THSD4: variants seen among roughly 807,000 people sequenced by gnomAD.
The protein encoded by THSD4 is thrombospondin type 1 domain containing 4, also known as thrombospondin type-1 domain-containing protein 4.
In THSD4, 69 loss-of-function variants were observed where a neutral mutation model predicts 119.0. That is an observed-to-expected ratio of 0.58 (90% CI 0.48 to 0.71). The LOEUF is 0.71. Ranked by LOEUF, THSD4 falls within the 30% of genes least tolerant of loss-of-function variation. The probability of loss-of-function intolerance (pLI) is 0.00; values close to 1 mark genes in which losing one functional copy is unlikely to be tolerated. For missense variants in THSD4, 1,393 were observed against 1,391.1 expected (o/e 1.00, Z -0.02); for synonymous variants, 524 against 540.4 (o/e 0.97, Z 0.42).
chr15:71,480,705 A>G (rs1190951122), intron 7 of THSD4, among the ~76,000 whole-genome samples: 1 of 152,210 alleles, frequency 6.6e-6, no homozygotes, highest in Non-Finnish European at 1.5e-5. Context: ...GCCCAATCAC[A>G]TAAATGTTTT....
intron 12 of THSD4, among the ~76,000 whole-genome samples, chr15:71,746,209 G>C (rs1402104914): frequency 6.6e-6 from 1 of 151,962 alleles, no homozygotes; most frequent in Non-Finnish European, 1.5e-5. Context: ...ATGATCTACA[G>C]TGTAATAAAA....
At chr15:71,741,259 G>A (rs1318185985) in intron 11 of THSD4, among the ~76,000 whole-genome samples, 1 of 152,180 alleles carries the variant, frequency 6.6e-6, no homozygotes, top group Non-Finnish European at 1.5e-5. Flanking sequence ...GGGAGGCCAA[G>A]GCAGGTGTAT....
chr15:71,532,426 C>G lies in THSD4; in HGVS notation c.1152+120603C>G, dbSNP rs145976259. On this transcript the variant is annotated intron_variant, in intron 7 of 17. Transcript: ENST00000261862. The stretch of plus-strand genomic sequence containing the variant: ...CCTGGGTTCAAGTGATTCTCCTACC[C>G]CAGCCTCCTGAGTAGCTAGGATTAC... 1.7e-3 allele frequency among the ~76,000 whole-genome samples: 262 copies of G among 151,826 alleles called. 2 individuals carry two copies. The highest frequency in any genetic ancestry group is 0.013 in the South Asian group (60 of 4,784).
At chr15:71,143,633 G>A (rs904189057) in intron 2 of THSD4, among the ~76,000 whole-genome samples, 3 of 151,850 alleles carry the variant, frequency 2.0e-5, no homozygotes, top group African/African-American at 7.3e-5. Flanking sequence ...AGTTTCTTGG[G>A]AGGAAATCCC....
intron 6 of THSD4, among the ~76,000 whole-genome samples, chr15:71,344,296 G>T (rs976528388): frequency 1.2e-4 from 18 of 151,996 alleles, no homozygotes; most frequent in African/African-American, 4.4e-4. Flanking sequence ...ACCCGCCTCG[G>T]CCCCCCAAAG....
chr15:71,473,246 T>C (rs35570859), intron 7 of THSD4, among the ~76,000 whole-genome samples: 26,748 of 151,964 alleles, frequency 0.18, 2,711 homozygotes, highest in South Asian at 0.37. Flanking sequence ...TTTGTAGAGA[T>C]AGGGTTTTGT....
intron 7 of THSD4, among the ~76,000 whole-genome samples, chr15:71,481,198 C>G (rs1327402489): frequency 6.6e-6 from 1 of 152,100 alleles, no homozygotes; most frequent in Non-Finnish European, 1.5e-5. Context: ...CATTTAGACT[C>G]TGTGATAAAA....
intron 6 of THSD4, among the ~76,000 whole-genome samples, chr15:71,352,417 T>TG (rs2045755487): frequency 6.6e-6 from 1 of 152,194 alleles, no homozygotes; most frequent in African/African-American, 2.4e-5. Flanking sequence ...CAACTTTGTA[T>TG]GGAGATAAAT....
intron 3 of THSD4, among the ~76,000 whole-genome samples, chr15:71,165,879 T>C (rs1185864332): frequency 1.3e-5 from 2 of 152,174 alleles, no homozygotes; most frequent in African/African-American, 2.4e-5. Flanking sequence ...GTGTGCTGTG[T>C]GGCTGCATGG....
At chr15:71,217,225 C>G (rs547686664) in intron 4 of THSD4, among the ~76,000 whole-genome samples, 62 of 152,238 alleles carry the variant, frequency 4.1e-4, no homozygotes, top group Non-Finnish European at 6.9e-4. Flanking sequence ...GGACAGCATC[C>G]CATAATCAAA....
intron 6 of THSD4, among the ~76,000 whole-genome samples, chr15:71,294,771 A>G (rs1484466120): frequency 6.6e-6 from 1 of 152,124 alleles, no homozygotes; most frequent in African/African-American, 2.4e-5. Flanking sequence ...CTTGGCAAAG[A>G]TCTTCTACTA....
At chr15:71,481,437 T>C (rs929488565) in intron 7 of THSD4, among the ~76,000 whole-genome samples, 2 of 152,224 alleles carry the variant, frequency 1.3e-5, no homozygotes, top group Non-Finnish European at 2.9e-5. Flanking sequence ...TACAAGTAGA[T>C]TGATGCTTTC....
At chr15:71,221,843 A>G (rs1332029288) in intron 4 of THSD4, among the ~76,000 whole-genome samples, 1 of 152,160 alleles carries the variant, frequency 6.6e-6, no homozygotes, top group Admixed American at 6.5e-5. Flanking sequence ...TGTTTTCTAT[A>G]GCAGCTGTAC....
At chr15:71,703,156 G>A (rs1390980163) in intron 8 of THSD4, among the ~76,000 whole-genome samples, 1 of 152,066 alleles carries the variant, frequency 6.6e-6, no homozygotes, top group Admixed American at 6.6e-5. Context: ...TCTATTTTTA[G>A]TAGAGACAGA....
chr15:71,121,587 G>A (rs149206598), intron 1 of THSD4, among the ~76,000 whole-genome samples: 1 of 152,182 alleles, frequency 6.6e-6, no homozygotes, highest in East Asian at 1.9e-4. Context: ...CTGCCCCTTT[G>A]ATGACATTAC....
chr15:71,527,343 C>T (rs964270232), intron 7 of THSD4, among the ~76,000 whole-genome samples: 8 of 152,138 alleles, frequency 5.3e-5, no homozygotes, highest in Non-Finnish European at 1.0e-4. Flanking sequence ...AACACACAAA[C>T]TCTTCTCTGA....
intron 7 of THSD4, among the ~76,000 whole-genome samples, chr15:71,486,653 T>C (rs2047827042): frequency 6.8e-6 from 1 of 147,922 alleles, no homozygotes; most frequent in African/African-American, 2.5e-5. Context: ...CACTCCTCTG[T>C]CCACCTCTAT....
rs886634017 is a variant in THSD4 at position 71,211,496 on chromosome 15, C to T, written c.100-3539C>T. 1.1e-4 allele frequency among the ~76,000 whole-genome samples: 17 copies of T among 152,218 alleles called. No homozygotes were observed. The East Asian group carries it at 1.2e-3, about 10-fold the overall frequency. ...GTTTCTCTTCCTTACTCTGGTCTCT[C>T]TTCTGCTTATAAGGACATAAATCCT... On this transcript the variant is annotated intron_variant, in intron 3 of 17. Transcript: ENST00000261862.
intron 1 of THSD4, among the ~76,000 whole-genome samples, chr15:71,097,534 C>A (rs1267355302): frequency 2.0e-5 from 3 of 151,102 alleles, no homozygotes; most frequent in Non-Finnish European, 4.4e-5. Flanking sequence ...CCTCTGCACT[C>A]CAGCCTGAGT....
Sources: allele counts gnomAD v4.1 joint callset (sites outside exome capture counted in the v4.1 genomes callset), GRCh38; gene constraint gnomAD v4.1.1; transcripts MANE v1.5; gene names NCBI Gene and HGNC (gene_info 2026-07-23, HGNC 2026-07-21).